Variants in GRM4 observed in about 807,000 individuals in gnomAD.
GRM4 encodes metabotropic glutamate receptor 4.
GRM4 carries 28 observed loss-of-function variants against 81.7 expected under a neutral mutation model. That is an observed-to-expected ratio of 0.34 (90% CI 0.25 to 0.47). The LOEUF is 0.47. Among genes scored for constraint, GRM4 ranks in the 20% least tolerant of loss-of-function variants. The pLI is 1.00. For missense variants in GRM4, 948 were observed against 1,290.0 expected (o/e 0.73, Z 4.06); for synonymous variants, 488 against 528.8 (o/e 0.92, Z 1.06).
chr6:34,040,505 C>G (rs1394099213), intron 7 of GRM4, 43 bp downstream of exon 7: 1 of 1,564,210 alleles, frequency 6.4e-7, no homozygotes, highest in Non-Finnish European at 8.8e-7. Context: ...CGGGCATGGC[C>G]CAGGATACCC....
intron 9 of GRM4, 40 bp from the exon 10 acceptor site, chr6:34,028,406 C>T (rs772816743): frequency 5.7e-6 from 9 of 1,582,524 alleles, no homozygotes; most frequent in South Asian, 1.1e-5. Context: ...GGCTCTGCCC[C>T]GACTGAGGGC....
At chr6:34,040,042 T>A in intron 8 of GRM4, 136 bp downstream of exon 8, 1 of 831,610 alleles carries the variant, frequency 1.2e-6, no homozygotes, top group Non-Finnish European at 1.9e-6. Context: ...GAGAGGGCAC[T>A]GGGAAGGAAG....
chr6:34,058,006 T>C (rs1454449222), intron 5 of GRM4, among the ~76,000 whole-genome samples: 1 of 151,726 alleles, frequency 6.6e-6, no homozygotes, highest in Non-Finnish European at 1.5e-5. Context: ...GTAAGAGCTG[T>C]GGGGATGGAT....
In GRM4 at chr6:34,036,053, C is replaced by T. The variant is rs759826590; in HGVS notation, c.2057G>A (p.Arg686His). Residue 686 changes from arginine (R) to histidine (H), a missense_variant, in exon 9 of 11, where the codon CGC (arginine) becomes CAC (histidine). Physicochemically the swap from Arg to His is conservative, Grantham distance 29 (BLOSUM62 0). Transcript: ENST00000538487. The surrounding 1 kb of genome is among the most constrained non-coding windows in gnomAD (Gnocchi z 9.0). ...RIYRIFEQGK[R>H]SVSAPRFISP... ...GATGAAGCGTGGGGCACTGACCGAG[C>T]GCTTGCCCTGCTCGAAGATGCGGTA... 27 of 1,614,010 alleles carry T rather than the reference C, an allele frequency of 1.7e-5. No homozygotes were observed. Among genetic ancestry groups the T allele is most frequent in the African/African-American group, 5.3e-5 (4 of 74,944 alleles).
At position 34,080,863 on chromosome 6, in the gene GRM4, CATACAT is replaced by C. The variant is rs1561798557; in HGVS notation, c.736+11014_736+11019del. ...ACACACACATACACACACACATACA[CATACAT>C]ATACACACACACACACACACAACCC... On this transcript the variant is annotated intron_variant, in intron 3 of 10. Transcript: ENST00000538487. This position sits in a 1 kb window ranked among gnomAD's most constrained non-coding sequence, Gnocchi z 5.4. Among the ~76,000 whole-genome samples, 1 of 128,404 alleles carries C rather than the reference CATACAT, an allele frequency of 7.8e-6. No homozygotes were observed. The highest frequency in any genetic ancestry group is 1.8e-5 in the Non-Finnish European group (1 of 56,382). The allele number at this position is 128,404 out of a possible 152,430, so 84.2% of individuals were successfully genotyped here.
chr6:34,058,767 C>A (rs1766027239), intron 5 of GRM4, among the ~76,000 whole-genome samples: 1 of 152,220 alleles, frequency 6.6e-6, no homozygotes, highest in Non-Finnish European at 1.5e-5. Flanking sequence ...GAGGGAAGGT[C>A]TTGAATCTGG....
rs906948424 is a variant in GRM4 at position 34,115,770 on chromosome 6, T to A, written c.519+17208A>T. Among the ~76,000 whole-genome samples the A allele has an allele frequency of 1.3e-4, 20 of 152,130 alleles. No homozygotes were observed. Among genetic ancestry groups the A allele is most frequent in the African/African-American group, 4.8e-4 (20 of 41,410 alleles). On this transcript the variant is annotated intron_variant, in intron 2 of 10. Transcript: ENST00000538487. The surrounding 1 kb of genome is among the most constrained non-coding windows in gnomAD (Gnocchi z 4.1). ...AGGAGTTCGAGGTTCTCACCCCAGCTCTTCAGGCTCCAGGAGAAACTGCGG... is the reference window on the plus strand; with the variant it reads ...AGGAGTTCGAGGTTCTCACCCCAGCACTTCAGGCTCCAGGAGAAACTGCGG...
chr6:34,040,041 CT>C, intron 8 of GRM4, 136 bp downstream of exon 8: 1 of 825,634 alleles, frequency 1.2e-6, no homozygotes, highest in Non-Finnish European at 2.0e-6. Context: ...GGAGAGGGCA[CT>C]GGGAAGGAAG....
At position 34,136,849 on chromosome 6, in the gene GRM4, C is replaced by G. The variant is rs1360251344; in HGVS notation, c.-363-2990G>C. On this transcript the variant is annotated intron_variant, in intron 1 of 10. Transcript: ENST00000538487. This position sits in a 1 kb window ranked among gnomAD's most constrained non-coding sequence, Gnocchi z 4.1. ...CACTGCCTCTTTTAGCTTCCCCTCC[C>G]TCCTTTGATCATGTAACAGGAACAA... Among the ~76,000 whole-genome samples, 1 of 152,058 alleles carries G rather than the reference C, an allele frequency of 6.6e-6. No individual in the cohort carries two copies. The highest frequency in any genetic ancestry group is 1.9e-4 in the East Asian group (1 of 5,174).
Position 34,019,733 on chromosome 6 carries a change from C to G in GRM4, c.*3088G>C, listed in dbSNP as rs1763803944. ...ATCCAGGGTGCCAGGGACCCTGAACCCCCCATCTTGTTGAAATCTAACATT... is the reference window on the plus strand; with the variant it reads ...ATCCAGGGTGCCAGGGACCCTGAACGCCCCATCTTGTTGAAATCTAACATT... On this transcript the variant is annotated 3_prime_UTR_variant, in exon 11 of 11. Transcript: ENST00000538487. 1 of 152,166 alleles carries G rather than the reference C, an allele frequency of 6.6e-6. No homozygotes were observed. Among genetic ancestry groups the G allele is most frequent in the African/African-American group, 2.4e-5 (1 of 41,424 alleles). The allele number at this position is 152,166 out of a possible 1,614,324, so 9.4% of individuals were successfully genotyped here. A position where few individuals can be genotyped will look rare whatever the true frequency, so the allele number is the denominator to read the frequency against.
At chr6:34,024,743 G>A in intron 10 of GRM4, 3 of 455,934 alleles carry the variant, frequency 6.6e-6, no homozygotes, top group South Asian at 1.5e-5. Context: ...AGCAGACGAT[G>A]AAGAATCACT....
At position 34,074,735 on chromosome 6, in the gene GRM4, C is replaced by T. The variant is rs1218627921; in HGVS notation, c.737-12707G>A. On this transcript the variant is annotated intron_variant, in intron 3 of 10. Coordinates refer to ENST00000538487, the MANE Select transcript of GRM4 (RefSeq NM_000841.4). This position sits in a 1 kb window ranked among gnomAD's most constrained non-coding sequence, Gnocchi z 4.9. ...TCAACACAAACCCACTTAGGCAAAACACCTTTGAAGCGAGAAAGGCGGAAA... is the reference window on the plus strand; with the variant it reads ...TCAACACAAACCCACTTAGGCAAAATACCTTTGAAGCGAGAAAGGCGGAAA... Among the ~76,000 whole-genome samples, 1 of 152,238 alleles carries T rather than the reference C, an allele frequency of 6.6e-6. No individual in the cohort carries two copies.
At position 34,140,867 on chromosome 6, in the gene GRM4, A is replaced by T. The variant is rs544873774; in HGVS notation, c.-364+5133T>A. Among the ~76,000 whole-genome samples the T allele has an allele frequency of 8.5e-5, 13 of 152,334 alleles. No homozygotes were observed. In the East Asian group the frequency reaches 2.3e-3, roughly 27 times the overall value. On this transcript the variant is annotated intron_variant, in intron 1 of 10. Coordinates refer to ENST00000538487, the MANE Select transcript of GRM4 (RefSeq NM_000841.4). The stretch of plus-strand genomic sequence containing the variant: ...AGCACTGCCCTGGAAAGCAGGGGCC[A>T]CTGGCTTAGCCCAATCAACATCCAA...
chr6:34,043,359 T>C (rs924491518), intron 6 of GRM4, among the ~76,000 whole-genome samples: 5 of 152,118 alleles, frequency 3.3e-5, no homozygotes, highest in Admixed American at 1.3e-4. Flanking sequence ...CCAAAGGACA[T>C]AGAGAAGGCT....
At position 34,080,472 on chromosome 6, in the gene GRM4, G is replaced by A. The variant is rs1182591939; in HGVS notation, c.736+11411C>T. ...TCCACGGCCGTACCCCAGTGTCCTG[G>A]TCCAATGCCTGGCACATAGTCAGTG... is the stretch of plus-strand genomic sequence containing the variant. On this transcript the variant is annotated intron_variant, in intron 3 of 10. Coordinates refer to ENST00000538487, the MANE Select transcript of GRM4 (RefSeq NM_000841.4). The surrounding 1 kb of genome is among the most constrained non-coding windows in gnomAD (Gnocchi z 5.4). Among the ~76,000 whole-genome samples, 4 of 152,194 alleles carry A rather than the reference G, an allele frequency of 2.6e-5. No homozygotes were observed. The highest frequency in any genetic ancestry group is 5.9e-5 in the Non-Finnish European group (4 of 68,036).
rs369112240 is a variant in GRM4, at chr6:34,036,597, G to A, written c.1513C>T (p.Arg505Trp). ...WTDHLHLRIE[R>W]MHWPGSGQQL... is the part of the protein sequence containing the mutation. The stretch of plus-strand genomic sequence containing the variant: ...TGCCCGCTCCCCGGCCAGTGCATCC[G>A]CTCTATCTGGCAATGACAGCACCGT... Residue 505 changes from arginine to tryptophan, a missense_variant, in exon 9 of 11, where the codon CGG (arginine) becomes TGG (tryptophan). Physicochemically the swap from Arg to Trp is moderately radical, Grantham distance 101. Coordinates refer to ENST00000538487, the MANE Select transcript of GRM4 (RefSeq NM_000841.4). The surrounding 1 kb of genome is among the most constrained non-coding windows in gnomAD (Gnocchi z 9.0). 44 of 1,550,162 alleles carry A rather than the reference G, an allele frequency of 2.8e-5. No individual in the cohort carries two copies. Among genetic ancestry groups the A allele is most frequent in the South Asian group, 4.6e-5 (4 of 86,684 alleles).
upstream of GRM4, chr6:34,146,154 G>A (rs1770924225): frequency 1.0e-6 from 1 of 985,298 alleles, no homozygotes; most frequent in Non-Finnish European, 1.2e-6. Flanking sequence ...TCACACATCC[G>A]CGCGCACGTG....
rs1204578691 is a variant in GRM4, at chr6:34,059,740, G to A, written c.873-612C>T. The stretch of plus-strand genomic sequence containing the variant: ...GCCAGCTGCCCAGTGCTCACACACA[G>A]CCCAGTCTGCCTGTGATGGTAATAT... On this transcript the variant is annotated intron_variant, in intron 4 of 10. Coordinates refer to ENST00000538487, the MANE Select transcript of GRM4 (RefSeq NM_000841.4). The surrounding 1 kb of genome is among the most constrained non-coding windows in gnomAD (Gnocchi z 5.7). 2 of 153,698 alleles carry A rather than the reference G, an allele frequency of 1.3e-5. No homozygotes were observed. Among genetic ancestry groups the A allele is most frequent in the Non-Finnish European group, 2.9e-5 (2 of 69,058 alleles). The allele number at this position is 153,698 out of a possible 1,614,324, so 9.5% of individuals were successfully genotyped here. A position where few individuals can be genotyped will look rare whatever the true frequency, so the allele number is the denominator to read the frequency against.
At chr6:34,081,658 C>A (rs142049704) in intron 3 of GRM4, among the ~76,000 whole-genome samples, 2 of 152,190 alleles carry the variant, frequency 1.3e-5, no homozygotes, top group Admixed American at 1.3e-4. Flanking sequence ...GAGAGTGGGA[C>A]GCAGGCTGCT....
Sources: allele counts gnomAD v4.1 joint callset (sites outside exome capture counted in the v4.1 genomes callset), GRCh38; gene constraint gnomAD v4.1.1; non-coding constraint Gnocchi (gnomAD v3.1); transcripts MANE v1.5; gene names NCBI Gene and HGNC (gene_info 2026-07-23, HGNC 2026-07-21).